NINL: variants seen among roughly 807,000 people sequenced by gnomAD.
The protein encoded by NINL is ninein-like protein.
In NINL, 153 loss-of-function variants were observed where a neutral mutation model predicts 160.3. The observed-to-expected ratio is 0.95, with a 90% confidence interval of 0.84 to 1.09. The LOEUF (loss-of-function observed/expected upper bound fraction) is 1.09, where lower values mean the gene tolerates loss of function less well. NINL is among the 50% of genes least tolerant of loss of function. The pLI, the probability that NINL is intolerant of heterozygous loss-of-function variation, is 0.00. For missense variants in NINL, 1,829 were observed against 1,764.0 expected (o/e 1.04, Z -0.66); for synonymous variants, 800 against 734.8 (o/e 1.09, Z -1.43).
intron 1 of NINL, among the ~76,000 whole-genome samples, chr20:25,554,104 A>T (rs1379608044): frequency 6.6e-6 from 1 of 152,222 alleles, no homozygotes; most frequent in Non-Finnish European, 1.5e-5. Flanking sequence ...TCACTCTTTC[A>T]GGCAACGTTC....
Position 25,458,489 on chromosome 20 carries a change from T to C in NINL, c.3737A>G (p.Gln1246Arg), listed in dbSNP as rs116267316. 894 of 1,601,276 alleles carry C rather than the reference T, an allele frequency of 5.6e-4. 2 individuals carry two copies. In the African/African-American group the frequency reaches 5.7e-3, roughly 10 times the overall value. ...CACCAGCCGGACCTCCTGCAAGTGCTGGGCCTGGGCCTGCCTCAGCCTCAG... is the reference window on the plus strand; with the variant it reads ...CACCAGCCGGACCTCCTGCAAGTGCCGGGCCTGGGCCTGCCTCAGCCTCAG... ...AHLRLRQAQA[Q>R]HLQEVRLVPQ... is the part of the protein sequence containing the mutation. Residue 1246 changes from glutamine to arginine, a missense_variant, in exon 22 of 24, where the codon CAG (glutamine) becomes CGG (arginine). Coordinates refer to ENST00000278886, the MANE Select transcript of NINL (RefSeq NM_025176.6).
intron 10 of NINL, among the ~76,000 whole-genome samples, chr20:25,495,517 A>C (rs1425002748): frequency 6.6e-6 from 1 of 152,168 alleles, no homozygotes; most frequent in African/African-American, 2.4e-5. Context: ...TGGGGACAAC[A>C]GGGCCAGGAC....
At chr20:25,526,834 G>A (rs942582685) in intron 1 of NINL, among the ~76,000 whole-genome samples, 8 of 152,136 alleles carry the variant, frequency 5.3e-5, no homozygotes, top group Non-Finnish European at 1.2e-4. Flanking sequence ...TCCTTCAGTC[G>A]TCAGTCACAA....
intron 1 of NINL, among the ~76,000 whole-genome samples, chr20:25,577,613 G>A (rs139980447): frequency 2.4e-3 from 371 of 152,248 alleles, no homozygotes; most frequent in Middle Eastern, 0.01. Context: ...AGTGAATATT[G>A]CACTATATTG....
chr20:25,457,042 A>G (rs1235955599), intron 22 of NINL, among the ~76,000 whole-genome samples: 1 of 151,032 alleles, frequency 6.6e-6, no homozygotes, highest in African/African-American at 2.4e-5. Flanking sequence ...GTTCTGGCCC[A>G]GGGCCGGGCG....
At chr20:25,536,717 C>CAA (rs1219716078) in intron 1 of NINL, among the ~76,000 whole-genome samples, 4 of 132,758 alleles carry the variant, frequency 3.0e-5, no homozygotes, top group Non-Finnish European at 4.9e-5. Context: ...AGACTGTCTC[C>CAA]AAAAAAAAAA....
At chr20:25,561,801 C>T (rs1184588506) in intron 1 of NINL, among the ~76,000 whole-genome samples, 48 of 151,760 alleles carry the variant, frequency 3.2e-4, no homozygotes, top group Middle Eastern at 3.4e-3. Flanking sequence ...GCCTGGCAAC[C>T]GCCCCATCTG....
chr20:25,469,864 T>G, intron 18 of NINL, 127 bp downstream of exon 18: 3 of 685,582 alleles, frequency 4.4e-6, no homozygotes, highest in Non-Finnish European at 7.7e-6. Flanking sequence ...GCTCATGGTT[T>G]AGGGTTTTCT....
intron 6 of NINL, among the ~76,000 whole-genome samples, 157 bp from the exon 7 acceptor site, chr20:25,504,261 T>C (rs2063921708): frequency 6.8e-6 from 1 of 147,006 alleles, no homozygotes; most frequent in African/African-American, 2.5e-5. Context: ...CCATGCGGGC[T>C]ATATTTTCCC....
intron 10 of NINL, among the ~76,000 whole-genome samples, chr20:25,493,389 C>T (rs923836818): frequency 3.9e-5 from 6 of 152,028 alleles, no homozygotes; most frequent in Admixed American, 6.6e-5. Flanking sequence ...AGGTGGATCC[C>T]GATACTCAGG....
intron 1 of NINL, among the ~76,000 whole-genome samples, chr20:25,538,773 A>T (rs1274223938): frequency 3.3e-5 from 5 of 151,964 alleles, no homozygotes; most frequent in Non-Finnish European, 7.4e-5. Context: ...AGGAGAGCAC[A>T]GAACTGGAGA....
At chr20:25,548,357 C>G (rs2064760642) in intron 1 of NINL, among the ~76,000 whole-genome samples, 3 of 152,204 alleles carry the variant, frequency 2.0e-5, no homozygotes, top group African/African-American at 7.2e-5. Flanking sequence ...CTGAGCTCCA[C>G]AAGAGTCCTG....
chr20:25,538,641 G>C (rs943663068), intron 1 of NINL, among the ~76,000 whole-genome samples: 2 of 152,166 alleles, frequency 1.3e-5, no homozygotes, highest in Non-Finnish European at 2.9e-5. Context: ...CACAGTGATG[G>C]GTAGGACTGG....
chr20:25,472,360 T>TATATATATAC (rs2063123409), intron 17 of NINL, among the ~76,000 whole-genome samples: 1 of 131,416 alleles, frequency 7.6e-6, no homozygotes, highest in Non-Finnish European at 1.6e-5. Context: ...TATATATATA[T>TATATATATAC]ATATATACTT....
chr20:25,527,994 T>C (rs1428807989), intron 1 of NINL, among the ~76,000 whole-genome samples: 1 of 152,248 alleles, frequency 6.6e-6, no homozygotes, highest in Non-Finnish European at 1.5e-5. Flanking sequence ...TGTATTTATA[T>C]GACAGAATAT....
chr20:25,538,419 TAA>T (rs1439136313), intron 1 of NINL, among the ~76,000 whole-genome samples: 1 of 152,100 alleles, frequency 6.6e-6, no homozygotes, highest in African/African-American at 2.4e-5. Flanking sequence ...CACCACAACA[TAA>T]ATTACACCCA....
chr20:25,525,983 C>A (rs2064351236), intron 2 of NINL, among the ~76,000 whole-genome samples: 1 of 152,180 alleles, frequency 6.6e-6, no homozygotes, highest in Non-Finnish European at 1.5e-5. Context: ...TTTTGTCCAA[C>A]TCCTAGATGG....
chr20:25,578,933 G>A (rs2065145282), intron 1 of NINL, among the ~76,000 whole-genome samples: 1 of 152,066 alleles, frequency 6.6e-6, no homozygotes, highest in Non-Finnish European at 1.5e-5. Flanking sequence ...CTTGAACCCA[G>A]GAGTTCAAGT....
At chr20:25,542,170 T>G (rs8115484) in intron 1 of NINL, among the ~76,000 whole-genome samples, 11,197 of 152,208 alleles carry the variant, frequency 0.074, 585 homozygotes, top group African/African-American at 0.15. Context: ...GTGGTTCCTT[T>G]AGGGAATGAA....
Sources: allele counts gnomAD v4.1 joint callset (sites outside exome capture counted in the v4.1 genomes callset), GRCh38; gene constraint gnomAD v4.1.1; transcripts MANE v1.5; gene names NCBI Gene and HGNC (gene_info 2026-07-23, HGNC 2026-07-21).